Variants in SNX29 observed in about 807,000 individuals in gnomAD.
The protein encoded by SNX29 is sorting nexin 29.
In SNX29, 78 loss-of-function variants were observed where a neutral mutation model predicts 102.1. The ratio of observed to expected loss-of-function variants is 0.76; its 90% CI spans 0.64 to 0.92. The LOEUF is 0.92. Among genes scored for constraint, SNX29 ranks in the 40% least tolerant of loss-of-function variants. The pLI is 0.00. For synonymous variants in SNX29, 580 were observed against 414.5 expected, an observed-to-expected ratio of 1.40 and a Z score of -4.85; for missense variants, 1,280 against 1,061.7, an observed-to-expected ratio of 1.21 and a Z score of -2.86.
intron 11 of SNX29, among the ~76,000 whole-genome samples, chr16:12,100,886 A>T (rs959922931): frequency 2.0e-5 from 3 of 151,992 alleles, no homozygotes; most frequent in African/African-American, 7.3e-5. Flanking sequence ...GTCACAATGT[A>T]GGCAGCAGAT....
At chr16:12,481,513 GACACACACACACACACAC>G (rs59650769) in intron 19 of SNX29, among the ~76,000 whole-genome samples, 19 of 125,570 alleles carry the variant, frequency 1.5e-4, no homozygotes, top group Admixed American at 5.9e-4. Flanking sequence ...TATACATATA[GACACACACACACACACAC>G]ACACACACAC....
intron 1 of SNX29, among the ~76,000 whole-genome samples, chr16:11,987,081 T>C (rs1341879180): frequency 6.6e-6 from 1 of 152,188 alleles, no homozygotes; most frequent in East Asian, 1.9e-4. Context: ...TCTTATTTTT[T>C]TGAGACAAGG....
intron 15 of SNX29, among the ~76,000 whole-genome samples, chr16:12,350,406 G>C (rs1331305530): frequency 1.3e-5 from 2 of 152,110 alleles, no homozygotes; most frequent in African/African-American, 2.4e-5. Context: ...AGGTGTGTAG[G>C]TTCTATTGCA....
At chr16:12,242,144 C>G (rs1011394514) in intron 14 of SNX29, among the ~76,000 whole-genome samples, 21 of 151,922 alleles carry the variant, frequency 1.4e-4, no homozygotes, top group Admixed American at 6.6e-5. Flanking sequence ...GGTGCTCTTT[C>G]CCAGAAGTTG....
chr16:12,214,540 G>A (rs978338248), intron 14 of SNX29, among the ~76,000 whole-genome samples: 1 of 152,094 alleles, frequency 6.6e-6, no homozygotes, highest in Non-Finnish European at 1.5e-5. Context: ...TAATGATGCC[G>A]TGGACCTTGG....
chr16:12,512,372 ATAT>A (rs2089663204), intron 19 of SNX29, among the ~76,000 whole-genome samples: 3 of 7,790 alleles, frequency 3.9e-4, no homozygotes, highest in South Asian at 7.3e-3. Context: ...CAGGGAAAAT[ATAT>A]ATATATATAT....
chr16:12,468,517 C>T (rs2087181087), intron 18 of SNX29, among the ~76,000 whole-genome samples: 1 of 151,986 alleles, frequency 6.6e-6, no homozygotes, highest in Admixed American at 6.5e-5. Flanking sequence ...CTAATCCAAC[C>T]CCACTCCCAG....
chr16:12,207,848 C>T (rs948758796), intron 14 of SNX29, among the ~76,000 whole-genome samples: 4 of 152,140 alleles, frequency 2.6e-5, no homozygotes, highest in Non-Finnish European at 4.4e-5. Context: ...TCTGTGGTCA[C>T]GTCTTGTGTG....
At chr16:12,361,391 T>C (rs1161238038) in intron 16 of SNX29, among the ~76,000 whole-genome samples, 1 of 152,268 alleles carries the variant, frequency 6.6e-6, no homozygotes, top group Non-Finnish European at 1.5e-5. Context: ...GCAACGTCAG[T>C]GCATCATTCT....
rs761052529 is a variant in SNX29, at chr16:12,353,481, T to TAA, written c.1783-2682_1783-2681insAA. On this transcript the variant is annotated intron_variant, in intron 15 of 20. Transcript: ENST00000566228. Reference sequence around the variant, plus strand: ...AAATGGGTGTGGTTTTTAATGCCCATTTCATAGACGCACAGCCACAGGCTC... The same window carrying TAA: ...AAATGGGTGTGGTTTTTAATGCCCATAATTCATAGACGCACAGCCACAGGCTC... 6.6e-4 allele frequency among the ~76,000 whole-genome samples: 92 copies of TAA among 140,326 alleles called. 1 individual carries two copies. Among genetic ancestry groups the TAA allele is most frequent in the Non-Finnish European group, 1.1e-3 (78 of 67,936 alleles). 92.1% of individuals were successfully genotyped at this position (140,326 alleles called of 152,430 possible). A position where few individuals can be genotyped will look rare whatever the true frequency, so the allele number is the denominator to read the frequency against.
rs140896420 is a variant in SNX29, at chr16:12,187,036, C to A, written c.1596-12565C>A. ...AAATGAGTCAATCACTGGTTAAAGA[C>A]CTGATGGGTCCCGGAGGAATCCGGA... On this transcript the variant is annotated intron_variant, in intron 13 of 20. Coordinates refer to ENST00000566228, the MANE Select transcript of SNX29 (RefSeq NM_032167.5). 1.7e-3 allele frequency among the ~76,000 whole-genome samples: 264 copies of A among 152,308 alleles called. 1 individual carries two copies. Among genetic ancestry groups the A allele is most frequent in the African/African-American group, 6.1e-3 (254 of 41,570 alleles).
chr16:12,225,774 A>G lies in SNX29; in HGVS notation c.1678+26091A>G, dbSNP rs1432631908. Among the ~76,000 whole-genome samples, 7 of 152,186 alleles carry G rather than the reference A, an allele frequency of 4.6e-5. No individual in the cohort carries two copies. In the East Asian group the frequency reaches 7.7e-4, roughly 17 times the overall value. On this transcript the variant is annotated intron_variant, in intron 14 of 20. Coordinates refer to ENST00000566228, the MANE Select transcript of SNX29 (RefSeq NM_032167.5). ...ATTTGACCAGATCTCAGCAAAGCCC[A>G]AACAAGTCTTGTTCTTCCTCATGTG...
chr16:12,559,801 C>G (rs187958524), intron 20 of SNX29, among the ~76,000 whole-genome samples: 18 of 152,168 alleles, frequency 1.2e-4, no homozygotes, highest in African/African-American at 4.3e-4. Context: ...TCCTTACTAT[C>G]TTCCAGGCCA....
chr16:12,551,944 G>T (rs952771053), intron 20 of SNX29, among the ~76,000 whole-genome samples: 1 of 152,180 alleles, frequency 6.6e-6, no homozygotes, highest in Non-Finnish European at 1.5e-5. Flanking sequence ...AGGATCCAGT[G>T]AGATTCCCCA....
intron 18 of SNX29, among the ~76,000 whole-genome samples, chr16:12,457,973 G>C (rs1321544582): frequency 1.3e-5 from 2 of 152,198 alleles, no homozygotes; most frequent in African/African-American, 4.8e-5. Context: ...TATCACATCT[G>C]AAATGTTCTA....
intron 18 of SNX29, among the ~76,000 whole-genome samples, chr16:12,436,857 T>C (rs576969932): frequency 1.8e-4 from 27 of 152,328 alleles, no homozygotes; most frequent in African/African-American, 5.8e-4. Flanking sequence ...TTTGCCATAG[T>C]GGCTAGGCTG....
chr16:12,128,451 T>TA (rs1445639493), intron 12 of SNX29, among the ~76,000 whole-genome samples: 2 of 110,912 alleles, frequency 1.8e-5, no homozygotes, highest in East Asian at 3.1e-4. Flanking sequence ...TTGATTATAT[T>TA]CTTTTTTTTT....
intron 14 of SNX29, among the ~76,000 whole-genome samples, chr16:12,275,905 G>GA (rs2079234410): frequency 7.6e-6 from 1 of 131,370 alleles, no homozygotes; most frequent in African/African-American, 3.5e-5. Context: ...TTTTTTTTGG[G>GA]GGGCGTGGTC....
chr16:12,290,156 T>G (rs902143275), intron 15 of SNX29, among the ~76,000 whole-genome samples: 3 of 152,196 alleles, frequency 2.0e-5, no homozygotes, highest in African/African-American at 7.2e-5. Flanking sequence ...CTTTAGCATT[T>G]AGGTTCCTGT....
Sources: gnomAD v4.1 joint callset for allele counts (sites outside exome capture counted in the v4.1 genomes callset) on GRCh38, gnomAD v4.1.1 for gene constraint, MANE v1.5 for transcripts, NCBI Gene and HGNC (gene_info 2026-07-23, HGNC 2026-07-21) for gene names.